The following ATP10A variants were observed in gnomAD, a reference collection of about 807,000 sequenced individuals.
ATP10A encodes ATPase phospholipid transporting 10A (putative), also known as phospholipid-transporting ATPase VA.
Under a neutral mutation model 147.8 loss-of-function variants are expected in ATP10A, and 111 were observed. The observed-to-expected ratio is 0.75, with a 90% confidence interval of 0.64 to 0.88. The LOEUF is 0.88. ATP10A is among the 40% of genes least tolerant of loss of function. The pLI is 0.00. For synonymous variants in ATP10A, 875 were observed against 841.6 expected (o/e 1.04, Z -0.69); for missense variants, 1,927 against 1,959.0 (o/e 0.98, Z 0.31).
At chr15:25,736,752 G>A (rs990915909) in intron 2 of ATP10A, among the ~76,000 whole-genome samples, 1 of 152,138 alleles carries the variant, frequency 6.6e-6, no homozygotes, top group African/African-American at 2.4e-5. Context: ...AGGAGTGGGG[G>A]GAAGGAGGAA....
intron 1 of ATP10A, among the ~76,000 whole-genome samples, chr15:25,814,400 G>A (rs1004874929): frequency 2.6e-5 from 4 of 152,210 alleles, no homozygotes; most frequent in Non-Finnish European, 5.9e-5. Flanking sequence ...TCAGGCAGAA[G>A]GAAAATGATG....
intron 2 of ATP10A, among the ~76,000 whole-genome samples, chr15:25,765,021 A>G (rs998699926): frequency 5.3e-5 from 8 of 152,196 alleles, no homozygotes; most frequent in African/African-American, 1.9e-4. Context: ...GATGCAGGAC[A>G]CACATTAAAC....
At chr15:25,829,810 G>A (rs1203327177) in intron 1 of ATP10A, among the ~76,000 whole-genome samples, 2 of 152,136 alleles carry the variant, frequency 1.3e-5, no homozygotes, top group Admixed American at 1.3e-4. Flanking sequence ...GAGGGTACGG[G>A]GGAGGGACAC....
chr15:25,726,040 T>G lies in ATP10A; in HGVS notation c.890A>C (p.Tyr297Ser), dbSNP rs752647851. Residue 297 changes from tyrosine (Y) to serine (S), a missense_variant, in exon 5 of 21, where the codon TAC (tyrosine) becomes TCC (serine). Coordinates refer to ENST00000555815, the MANE Select transcript of ATP10A (RefSeq NM_024490.4). The part of the protein sequence containing the change: ...KALLNNSGPR[Y>S]KRSKLERQMN... Reference sequence around the variant, plus strand: ...CTGCCTCTCCAGCTTGCTGCGCTTGTAGCGGGGCCCACTGTTGTTCAGCAG... The same window carrying G: ...CTGCCTCTCCAGCTTGCTGCGCTTGGAGCGGGGCCCACTGTTGTTCAGCAG... 6.2e-7 allele frequency: 1 copy of G among 1,614,116 alleles called. No homozygotes were observed. The highest frequency in any genetic ancestry group is 1.3e-5 in the African/African-American group (1 of 75,062).
intron 5 of ATP10A, among the ~76,000 whole-genome samples, chr15:25,725,153 T>C (rs1223677266): frequency 1.3e-5 from 2 of 152,090 alleles, no homozygotes; most frequent in Non-Finnish European, 2.9e-5. Context: ...ACGAACCCTA[T>C]TGTGAATTGT....
chr15:25,743,550 TGCAAGATGTAGTTA>T (rs1887680244), intron 2 of ATP10A, among the ~76,000 whole-genome samples: 1 of 152,262 alleles, frequency 6.6e-6, no homozygotes, highest in Non-Finnish European at 1.5e-5. Flanking sequence ...CTACAGCTTC[TGCAAGATGTAGTTA>T]AGAGGTTGAG....
Position 25,741,461 on chromosome 15 carries a change from A to G in ATP10A, c.655-5320T>C, listed in dbSNP as rs535302533. ...CAGCAATACAAAATGATTTCTACAT[A>G]GCCTCTAATCCGGCTCCTTAGCTCC... is the stretch of plus-strand genomic sequence containing the variant. On this transcript the variant is annotated intron_variant, in intron 2 of 20. Coordinates refer to ENST00000555815, the MANE Select transcript of ATP10A (RefSeq NM_024490.4). 1.2e-4 allele frequency among the ~76,000 whole-genome samples: 19 copies of G among 152,328 alleles called. No homozygotes were observed. In the South Asian group the frequency reaches 3.7e-3, roughly 30 times the overall value.
chr15:25,793,110 A>T (rs190208814), intron 1 of ATP10A, among the ~76,000 whole-genome samples: 185 of 152,200 alleles, frequency 1.2e-3, no homozygotes, highest in African/African-American at 4.1e-3. Flanking sequence ...ACCTCAGGTG[A>T]TCCACCCACC....
chr15:25,683,474 G>A lies in ATP10A; in HGVS notation c.3304C>T (p.Leu1102Phe), dbSNP rs754540531. 1.2e-4 allele frequency: 190 copies of A among 1,613,018 alleles called. No individual in the cohort carries two copies. The highest frequency in any genetic ancestry group is 1.5e-4 in the Non-Finnish European group (179 of 1,179,530). ...FFYKNTMFVG[L>F]LFWFQFFCGF... ...CAGAAAAACTGGAACCAAAACAGGA[G>A]GCCCACGAACATCTGAAATCAAGAA... The change falls in exon 17 of 21, where the codon CTC (leucine) becomes TTC (phenylalanine). Residue 1102 changes from leucine (L) to phenylalanine (F), a missense_variant. By Grantham distance (22) the Leu-to-Phe change is conservative. Transcript: ENST00000555815.
At chr15:25,797,963 G>T (rs759295519) in intron 1 of ATP10A, among the ~76,000 whole-genome samples, 2 of 152,208 alleles carry the variant, frequency 1.3e-5, no homozygotes, top group Non-Finnish European at 2.9e-5. Flanking sequence ...TCCAAGGAGA[G>T]AGTTAAATGT....
At chr15:25,729,334 C>T (rs1387316116) in intron 3 of ATP10A, among the ~76,000 whole-genome samples, 1 of 152,132 alleles carries the variant, frequency 6.6e-6, no homozygotes, top group South Asian at 2.1e-4. Flanking sequence ...GTGTCCTTGA[C>T]TCCTCCCCCA....
chr15:25,763,971 C>T (rs946008452), intron 2 of ATP10A, among the ~76,000 whole-genome samples: 3 of 152,124 alleles, frequency 2.0e-5, no homozygotes, highest in Non-Finnish European at 4.4e-5. Context: ...ATCACAGAAG[C>T]GGATTATCCC....
intron 1 of ATP10A, among the ~76,000 whole-genome samples, chr15:25,785,566 G>C (rs1280281018): frequency 6.6e-6 from 1 of 152,240 alleles, no homozygotes; most frequent in African/African-American, 2.4e-5. Flanking sequence ...TGTAGTGACA[G>C]AAACTGAAGG....
intron 1 of ATP10A, among the ~76,000 whole-genome samples, chr15:25,845,852 T>G (rs1893004379): frequency 6.6e-6 from 1 of 152,222 alleles, no homozygotes; most frequent in Non-Finnish European, 1.5e-5. Flanking sequence ...CAGACACTGG[T>G]ACCCCCATGT....
At chr15:25,837,031 A>G (rs1892627119) in intron 1 of ATP10A, among the ~76,000 whole-genome samples, 1 of 152,238 alleles carries the variant, frequency 6.6e-6, no homozygotes, top group Non-Finnish European at 1.5e-5. Flanking sequence ...TAGAGAAATG[A>G]TCACCACAGT....
intron 1 of ATP10A, among the ~76,000 whole-genome samples, chr15:25,845,902 G>A (rs1238461508): frequency 2.0e-5 from 3 of 152,208 alleles, no homozygotes; most frequent in Non-Finnish European, 4.4e-5. Flanking sequence ...AGGTGGAAGC[G>A]CCCAAGGGTC....
rs1323871767 is a variant in ATP10A at position 25,695,161 on chromosome 15, A to G, written c.2761-15T>C. The G allele has an allele frequency of 1.3e-6, 2 of 1,598,970 alleles. No homozygotes were observed. Among genetic ancestry groups the G allele is most frequent in the Non-Finnish European group, 1.7e-6 (2 of 1,170,768 alleles). ...GCACACGCCTCCTGAAAGGGACATG[A>G]GAGGACAGCGCAGTTCCCTCAGAGT... On this transcript the variant is annotated splice_polypyrimidine_tract_variant and intron_variant, in intron 13 of 20. Coordinates refer to ENST00000555815, the MANE Select transcript of ATP10A (RefSeq NM_024490.4).
intron 9 of ATP10A, 62 bp from the exon 10 acceptor site, chr15:25,714,303 C>T: frequency 1.3e-6 from 2 of 1,509,196 alleles, no homozygotes; most frequent in South Asian, 1.2e-5. Flanking sequence ...AGGCCCCACC[C>T]TGGTTCCCAC....
At chr15:25,833,836 G>T (rs977959763) in intron 1 of ATP10A, among the ~76,000 whole-genome samples, 1 of 152,132 alleles carries the variant, frequency 6.6e-6, no homozygotes, top group African/African-American at 2.4e-5. Flanking sequence ...GCCGGGCGTG[G>T]TGGTGGGCAC....
Sources: allele counts gnomAD v4.1 joint callset (sites outside exome capture counted in the v4.1 genomes callset), GRCh38; gene constraint gnomAD v4.1.1; transcripts MANE v1.5; gene names NCBI Gene and HGNC (gene_info 2026-07-23, HGNC 2026-07-21).